Variants in PRRX2 observed in about 807,000 individuals in gnomAD.
The protein encoded by PRRX2 is paired related homeobox 2, also known as paired mesoderm homeobox protein 2.
PRRX2 carries 11 observed loss-of-function variants against 18.0 expected under a neutral mutation model. The ratio of observed to expected loss-of-function variants is 0.61; its 90% CI spans 0.39 to 1.01. The LOEUF is 1.01. Ranked by LOEUF, PRRX2 falls within the 50% of genes least tolerant of loss-of-function variation. The pLI is 0.01. For synonymous variants in PRRX2, 177 were observed against 154.8 expected (o/e 1.14, Z -1.06); for missense variants, 387 against 351.0 (o/e 1.10, Z -0.82).
intron 1 of PRRX2, among the ~76,000 whole-genome samples, chr9:129,667,003 C>T (rs1018476010): frequency 2.6e-5 from 4 of 152,172 alleles, no homozygotes; most frequent in Non-Finnish European, 5.9e-5. Flanking sequence ...GTTCCCGGCA[C>T]CAGCCTCCAG....
chr9:129,678,244 G>A (rs933192979), intron 1 of PRRX2, among the ~76,000 whole-genome samples: 8 of 152,272 alleles, frequency 5.3e-5, no homozygotes, highest in Admixed American at 2.6e-4. Flanking sequence ...GGTTACAAGC[G>A]TGAGCCACTG....
rs1050254885 is a variant in PRRX2 at position 129,695,618 on chromosome 9, C to T, written c.260-23613C>T. The stretch of plus-strand genomic sequence containing the variant: ...GCAGGCACCTCCCTTTCCTGGCCCA[C>T]GCTGCTCTTCCTCCAGGCCCCCGCC... On this transcript the variant is annotated intron_variant, in intron 1 of 3. Coordinates refer to ENST00000372469, the MANE Select transcript of PRRX2 (RefSeq NM_016307.4). This position sits in a 1 kb window ranked among gnomAD's most constrained non-coding sequence, Gnocchi z 4.8. Among the ~76,000 whole-genome samples the T allele has an allele frequency of 1.3e-5, 2 of 152,194 alleles. No homozygotes were observed. The highest frequency in any genetic ancestry group is 2.4e-5 in the African/African-American group (1 of 41,446).
chr9:129,714,148 C>CA (rs113810297), intron 1 of PRRX2, among the ~76,000 whole-genome samples: 9,978 of 150,342 alleles, frequency 0.066, 943 homozygotes, highest in African/African-American at 0.21. Context: ...ACTAAAAATA[C>CA]AAAAAAAATT....
chr9:129,674,181 G>T (rs960797552), intron 1 of PRRX2, among the ~76,000 whole-genome samples: 63 of 152,300 alleles, frequency 4.1e-4, no homozygotes, highest in African/African-American at 1.5e-3. Flanking sequence ...CCCGGGTCCA[G>T]CTGCCCTGCT....
chr9:129,677,989 A>T (rs1588162865), intron 1 of PRRX2, among the ~76,000 whole-genome samples: 2 of 108,474 alleles, frequency 1.8e-5, no homozygotes, highest in Admixed American at 1.3e-4. Context: ...TTTGAGATGG[A>T]GTCTCACTCT....
At chr9:129,684,403 A>C (rs907590397) in intron 1 of PRRX2, among the ~76,000 whole-genome samples, 2 of 146,886 alleles carry the variant, frequency 1.4e-5, no homozygotes, top group African/African-American at 5.0e-5. Context: ...AGACACACAC[A>C]CAGAGAGAGA....
chr9:129,666,424 C>T (rs1368998252), intron 1 of PRRX2, among the ~76,000 whole-genome samples: 1 of 152,164 alleles, frequency 6.6e-6, no homozygotes, highest in Non-Finnish European at 1.5e-5. Flanking sequence ...TGCCGGGTTA[C>T]AACTGGGGAA....
chr9:129,700,279 G>A (rs945810029), intron 1 of PRRX2, among the ~76,000 whole-genome samples: 3 of 151,820 alleles, frequency 2.0e-5, no homozygotes, highest in African/African-American at 4.8e-5. Context: ...GCAGCCTGCC[G>A]CCAGGGTCCA....
rs957060431 is a variant in PRRX2 at position 129,720,873 on chromosome 9, A to G, written c.626+99A>G. ...CCTCTGAGGGTCTGGAGAGAGCTTG[A>G]ATGGTGTCCACGCGCCCCTGGGATC... On this transcript the variant is annotated intron_variant, in intron 3 of 3. Coordinates refer to ENST00000372469, the MANE Select transcript of PRRX2 (RefSeq NM_016307.4). 3.4e-5 allele frequency: 44 copies of G among 1,299,478 alleles called. 1 individual carries two copies. The South Asian group carries it at 7.3e-4, about 21-fold the overall frequency. 80.5% of individuals were successfully genotyped at this position (1,299,478 alleles called of 1,614,324 possible). A position where few individuals can be genotyped will look rare whatever the true frequency, so the allele number is the denominator to read the frequency against.
rs1408612879 is a variant in PRRX2, at chr9:129,719,250, G to A, written c.279G>A (p.Gly93=). The part of the protein sequence containing the change: ...APQDGECPSP[G]RGSAAKRKKK... ...CCGCAGGTGAGTGTCCCAGCCCGGG[G>A]CGCGGTAGCGCCGCCAAGCGGAAGA... Residue 93 remains glycine (G), a synonymous_variant, in exon 2 of 4, where the codon GGG becomes GGA. Transcript: ENST00000372469. 3 of 1,599,552 alleles carry A rather than the reference G, an allele frequency of 1.9e-6. No individual in the cohort carries two copies. The South Asian group carries it at 3.4e-5, about 18-fold the overall frequency.
chr9:129,720,754 G>A lies in PRRX2; in HGVS notation c.606G>A (p.Trp202Ter). The A allele has an allele frequency of 6.2e-7, 1 of 1,602,018 alleles. No individual in the cohort carries two copies. The highest frequency in any genetic ancestry group is 8.5e-7 in the Non-Finnish European group (1 of 1,173,644). ...CCCTGAGTCCAGATTATCTCTCCTG[G>A]ACAGCCTCGTCCCCCTACAGGTGAG... ...PTALSPDYLSWTASSPYSTVP... is the reference protein window; with the variant it reads ...PTALSPDYLS Residue 202 changes from tryptophan (W) to a stop codon, truncating the protein, a stop_gained, in exon 3 of 4, where the codon TGG (tryptophan) becomes TGA (stop). Coordinates refer to ENST00000372469, the MANE Select transcript of PRRX2 (RefSeq NM_016307.4). LOFTEE classifies it high-confidence loss of function.
intron 1 of PRRX2, among the ~76,000 whole-genome samples, chr9:129,696,561 G>A (rs1482408616): frequency 6.6e-6 from 1 of 152,136 alleles, no homozygotes; most frequent in East Asian, 1.9e-4. Context: ...GCGCCACAGA[G>A]TTAGACCCTG....
At chr9:129,719,872 A>C (rs1421894807) in intron 2 of PRRX2, among the ~76,000 whole-genome samples, 1 of 152,114 alleles carries the variant, frequency 6.6e-6, no homozygotes, top group Non-Finnish European at 1.5e-5. Flanking sequence ...CTGTAATCCC[A>C]GCTGCTTGGG....
intron 1 of PRRX2, among the ~76,000 whole-genome samples, chr9:129,717,952 A>C (rs1832734832): frequency 6.6e-6 from 1 of 152,170 alleles, no homozygotes; most frequent in Admixed American, 6.5e-5. Context: ...ATGTGGACTC[A>C]GGTGATCAGG....
intron 2 of PRRX2, 140 bp downstream of exon 2, chr9:129,719,558 C>A: frequency 9.0e-7 from 1 of 1,117,132 alleles, no homozygotes; most frequent in Non-Finnish European, 1.2e-6. Context: ...GTTCAGATCC[C>A]AGCCCTGCCA....
intron 1 of PRRX2, among the ~76,000 whole-genome samples, chr9:129,683,461 C>T (rs554797393): frequency 6.6e-6 from 1 of 152,128 alleles, no homozygotes; most frequent in South Asian, 2.1e-4. Flanking sequence ...GGAGGCCGGG[C>T]GCGGTGGCTC....
At chr9:129,720,430 G>A (rs913594077) in intron 2 of PRRX2, among the ~76,000 whole-genome samples, 166 bp from the exon 3 acceptor site, 7 of 152,210 alleles carry the variant, frequency 4.6e-5, no homozygotes, top group African/African-American at 1.2e-4. Context: ...CACATACCCA[G>A]CAGCAGGCGT....
intron 1 of PRRX2, among the ~76,000 whole-genome samples, chr9:129,669,057 G>GA (rs780732143): frequency 6.7e-5 from 9 of 135,002 alleles, no homozygotes; most frequent in Admixed American, 1.5e-4. Flanking sequence ...TGAGGCAGGA[G>GA]AAAAAAAAAA....
chr9:129,684,726 C>T (rs1312909401), intron 1 of PRRX2, among the ~76,000 whole-genome samples: 1 of 152,164 alleles, frequency 6.6e-6, no homozygotes, highest in Non-Finnish European at 1.5e-5. Flanking sequence ...CCACGTGGTG[C>T]TCCTGGGTGT....
Sources: gnomAD v4.1 joint callset for allele counts (sites outside exome capture counted in the v4.1 genomes callset) on GRCh38, gnomAD v4.1.1 for gene constraint, Gnocchi (gnomAD v3.1) non-coding constraint, MANE v1.5 for transcripts, NCBI Gene and HGNC (gene_info 2026-07-23, HGNC 2026-07-21) for gene names.